The following ANKS1B variants were observed in gnomAD, a reference collection of about 807,000 sequenced individuals.
The protein encoded by ANKS1B is ankyrin repeat and sterile alpha motif domain containing 1B.
In ANKS1B, 36 loss-of-function variants were observed where a neutral mutation model predicts 148.3. The ratio of observed to expected loss-of-function variants is 0.24; its 90% confidence interval spans 0.19 to 0.32. The LOEUF (loss-of-function observed/expected upper bound fraction) is 0.32. Among genes scored for constraint, ANKS1B ranks in the 10% least tolerant of loss-of-function variants. The probability of loss-of-function intolerance (pLI) is 1.00; values close to 1 mark genes in which losing one functional copy is unlikely to be tolerated. For synonymous variants in ANKS1B, 542 were observed against 560.8 expected (o/e 0.97, Z 0.47); for missense variants, 1,157 against 1,542.6 (o/e 0.75, Z 4.19).
rs537715235 is a variant in ANKS1B, at chr12:99,651,411, T to G, written c.1272+3656A>C. ...ATGTGGTACGTAGCCCAGTATCATA[T>G]GATACTGGAGACCCCCTAAGAAGCT... is the stretch of plus-strand genomic sequence containing the variant. On this transcript the variant is annotated intron_variant, in intron 9 of 26. Transcript: ENST00000683438. Among the ~76,000 whole-genome samples, 9 of 152,284 alleles carry G rather than the reference T, an allele frequency of 5.9e-5. No homozygotes were observed. In the East Asian group the frequency reaches 1.7e-3, roughly 29 times the overall value.
At chr12:99,599,569 T>C (rs2097784785) in intron 9 of ANKS1B, among the ~76,000 whole-genome samples, 1 of 152,070 alleles carries the variant, frequency 6.6e-6, no homozygotes, top group South Asian at 2.1e-4. Context: ...ATTGAAACCC[T>C]TAATAATTAT....
chr12:99,839,584 T>G (rs1013103164), intron 1 of ANKS1B, among the ~76,000 whole-genome samples: 41 of 152,308 alleles, frequency 2.7e-4, no homozygotes, highest in African/African-American at 9.4e-4. Flanking sequence ...AAAAATATTT[T>G]AAAATTATTT....
chr12:98,909,944 C>T (rs1239255502), intron 17 of ANKS1B, among the ~76,000 whole-genome samples: 3 of 152,248 alleles, frequency 2.0e-5, no homozygotes, highest in Non-Finnish European at 2.9e-5. Context: ...GGCCGGGAAT[C>T]AGCTGCCAGC....
intron 17 of ANKS1B, among the ~76,000 whole-genome samples, chr12:98,991,838 A>G (rs2099926741): frequency 1.3e-5 from 2 of 152,242 alleles, no homozygotes; most frequent in South Asian, 2.1e-4. Context: ...CATGTTGTAT[A>G]TTCACATACA....
chr12:99,983,459 A>T (rs1426306671), intron 1 of ANKS1B, among the ~76,000 whole-genome samples: 1 of 152,166 alleles, frequency 6.6e-6, no homozygotes, highest in Non-Finnish European at 1.5e-5. Flanking sequence ...CCCAATACCA[A>T]CCTGGCATCC....
chr12:98,947,349 G>A (rs568797899), intron 17 of ANKS1B, among the ~76,000 whole-genome samples: 6 of 152,266 alleles, frequency 3.9e-5, no homozygotes, highest in African/African-American at 1.4e-4. Context: ...CTGCAGCAGT[G>A]GTCCAGGGTT....
Position 99,984,274 on chromosome 12 carries a change from C to A in ANKS1B, c.-37G>T, listed in dbSNP as rs752752296. Reference sequence around the variant, plus strand: ...GACTCCCCCACAGAGTCCTTGCCCCCCTCGGGTCCTCCTCCCCACCCACCC... The same window carrying A: ...GACTCCCCCACAGAGTCCTTGCCCCACTCGGGTCCTCCTCCCCACCCACCC... On this transcript the variant is annotated 5_prime_UTR_variant, in exon 1 of 27. Transcript: ENST00000683438. The A allele has an allele frequency of 3.3e-5, 53 of 1,583,094 alleles. No homozygotes were observed. The East Asian group carries it at 4.3e-4, about 13-fold the overall frequency.
intron 9 of ANKS1B, among the ~76,000 whole-genome samples, chr12:99,526,673 A>G (rs1249546754): frequency 1.3e-5 from 2 of 152,202 alleles, no homozygotes; most frequent in Non-Finnish European, 2.9e-5. Flanking sequence ...CCACTTCAAA[A>G]TTGGAGGTAC....
At chr12:98,758,740 C>T (rs931598516) in intron 25 of ANKS1B, among the ~76,000 whole-genome samples, 4 of 151,626 alleles carry the variant, frequency 2.6e-5, no homozygotes, top group Admixed American at 2.0e-4. Flanking sequence ...TCTCTTCTTC[C>T]CCAGGGATTT....
intron 4 of ANKS1B, among the ~76,000 whole-genome samples, chr12:99,805,262 G>GAAAAAAAAAAA (rs1567880890): frequency 3.6e-4 from 3 of 8,308 alleles, no homozygotes; most frequent in East Asian, 5.4e-3. Context: ...GGAGGAAAAG[G>GAAAAAAAAAAA]CAAAAAAAAA....
intron 12 of ANKS1B, among the ~76,000 whole-genome samples, chr12:99,369,747 AAGATAGATAGATAGAT>A (rs75456516): frequency 1.7e-4 from 25 of 143,404 alleles, no homozygotes; most frequent in Admixed American, 5.6e-4. Flanking sequence ...AATGGATAGA[AAGATAGATAGATAGAT>A]AGATAGATAG....
intron 15 of ANKS1B, among the ~76,000 whole-genome samples, chr12:99,149,872 T>C (rs1307993125): frequency 1.3e-5 from 2 of 152,070 alleles, no homozygotes; most frequent in Non-Finnish European, 2.9e-5. Flanking sequence ...TGAGCGATGG[T>C]GATTATGTGA....
chr12:99,379,465 T>C (rs1038834377), intron 12 of ANKS1B, among the ~76,000 whole-genome samples: 7 of 152,188 alleles, frequency 4.6e-5, no homozygotes, highest in African/African-American at 1.7e-4. Flanking sequence ...TTAGTGAGAA[T>C]ATGCAAAACA....
At chr12:99,043,644 A>C (rs1043883291) in intron 17 of ANKS1B, among the ~76,000 whole-genome samples, 4 of 152,212 alleles carry the variant, frequency 2.6e-5, no homozygotes, top group Admixed American at 6.5e-5. Flanking sequence ...AGCATAATAC[A>C]TTTCTTTACA....
chr12:99,730,182 G>A (rs543437413), intron 8 of ANKS1B, among the ~76,000 whole-genome samples: 2 of 152,254 alleles, frequency 1.3e-5, no homozygotes, highest in East Asian at 1.9e-4. Context: ...CATCAAATTC[G>A]GGTTCCTTTG....
intron 17 of ANKS1B, among the ~76,000 whole-genome samples, chr12:98,838,004 A>G (rs984841811): frequency 3.9e-5 from 6 of 152,100 alleles, no homozygotes; most frequent in Non-Finnish European, 7.4e-5. Context: ...CTCCCCCATG[A>G]TTATGTTTTG....
At chr12:99,264,823 C>G (rs954492959) in intron 12 of ANKS1B, among the ~76,000 whole-genome samples, 6 of 152,084 alleles carry the variant, frequency 3.9e-5, no homozygotes, top group Non-Finnish European at 7.4e-5. Flanking sequence ...AAAGGAAAAG[C>G]TTAGGTTAAC....
At chr12:99,740,422 A>G (rs1386558944) in intron 8 of ANKS1B, among the ~76,000 whole-genome samples, 6 of 152,208 alleles carry the variant, frequency 3.9e-5, no homozygotes, top group South Asian at 2.1e-4. Context: ...TATTCCAGGA[A>G]TCAGACCTGA....
Position 99,244,433 on chromosome 12 carries a change from A to AT in ANKS1B, c.2347-20dup, listed in dbSNP as rs1298211773. The AT allele has an allele frequency of 2.0e-6, 3 of 1,474,228 alleles. No individual in the cohort carries two copies. In the East Asian group the frequency reaches 6.8e-5, roughly 34 times the overall value. The allele number at this position is 1,474,228 out of a possible 1,614,324, so 91.3% of individuals were successfully genotyped here. A position where few individuals can be genotyped will look rare whatever the true frequency, so the allele number is the denominator to read the frequency against. On this transcript the variant is annotated intron_variant, in intron 13 of 26. Coordinates refer to ENST00000683438, the MANE Select transcript of ANKS1B (RefSeq NM_001352186.2). ...TGTCAATCTGTAAGAAACAAAAACC[A>AT]TTTAAATGGATTGTTACATTCACTT...
Sources: gnomAD v4.1 joint callset for allele counts (sites outside exome capture counted in the v4.1 genomes callset) on GRCh38, gnomAD v4.1.1 for gene constraint, MANE v1.5 for transcripts, NCBI Gene and HGNC (gene_info 2026-07-23, HGNC 2026-07-21) for gene names.